Variants in IQGAP1 observed in about 807,000 individuals in gnomAD.
IQGAP1 encodes IQ motif containing GTPase activating protein 1.
IQGAP1 carries 66 observed loss-of-function variants against 215.6 expected under a neutral mutation model. The ratio of observed to expected loss-of-function variants is 0.31; its 90% CI spans 0.25 to 0.38. IQGAP1 has a LOEUF of 0.38. Among genes scored for constraint, IQGAP1 ranks in the 10% least tolerant of loss-of-function variants. The pLI is 1.00. For synonymous variants in IQGAP1, 772 were observed against 728.7 expected, an observed-to-expected ratio of 1.06 and a Z score of -0.96; for missense variants, 1,712 against 1,997.1, an observed-to-expected ratio of 0.86 and a Z score of 2.72.
At chr15:90,465,466 A>T (rs1965817329) in intron 15 of IQGAP1, among the ~76,000 whole-genome samples, 1 of 152,104 alleles carries the variant, frequency 6.6e-6, no homozygotes, top group Admixed American at 6.5e-5. Context: ...ATCTTTATAT[A>T]ATCTTCACCT....
chr15:90,482,488 CAAG>C (rs1468998506), intron 28 of IQGAP1, among the ~76,000 whole-genome samples: 1 of 152,142 alleles, frequency 6.6e-6, no homozygotes, highest in Non-Finnish European at 1.5e-5. Flanking sequence ...AAACATCAAA[CAAG>C]TAGAAAGATG....
At chr15:90,411,530 AC>A (rs1482776522) in intron 2 of IQGAP1, among the ~76,000 whole-genome samples, 3 of 152,116 alleles carry the variant, frequency 2.0e-5, no homozygotes, top group African/African-American at 7.2e-5. Context: ...TAAATTTTTG[AC>A]ATATATGGCT....
chr15:90,446,984 GTAGA>G (rs1965535873), intron 9 of IQGAP1, among the ~76,000 whole-genome samples: 1 of 152,258 alleles, frequency 6.6e-6, no homozygotes, highest in Admixed American at 6.5e-5. Flanking sequence ...AGATGCTTTT[GTAGA>G]TAGATAATCT....
chr15:90,492,403 T>C, intron 34 of IQGAP1, 142 bp from the exon 35 acceptor site: 4 of 594,144 alleles, frequency 6.7e-6, no homozygotes, highest in Non-Finnish European at 1.1e-5. Flanking sequence ...CACTCGAGCC[T>C]GGGCAACAGA....
At chr15:90,484,098 C>G (rs970263804) in intron 29 of IQGAP1, 122 bp from the exon 30 acceptor site, 1 of 835,226 alleles carries the variant, frequency 1.2e-6, no homozygotes, top group Admixed American at 2.4e-5. Flanking sequence ...AGCACTTTCT[C>G]TTGAAGTAAC....
chr15:90,492,243 C>T (rs971618934), intron 34 of IQGAP1, among the ~76,000 whole-genome samples: 4 of 151,916 alleles, frequency 2.6e-5, no homozygotes, highest in African/African-American at 4.8e-5. Flanking sequence ...GCAGGAGGAT[C>T]GCTTGAGACC....
intron 34 of IQGAP1, 93 bp from the exon 35 acceptor site, chr15:90,492,452 A>T: frequency 1.2e-6 from 1 of 820,350 alleles, no homozygotes; most frequent in Non-Finnish European, 1.7e-6. Flanking sequence ...GTAGGTAGTC[A>T]TATTTAAGGC....
At chr15:90,488,190 C>T (rs1319291611) in intron 33 of IQGAP1, among the ~76,000 whole-genome samples, 1 of 151,980 alleles carries the variant, frequency 6.6e-6, no homozygotes, top group African/African-American at 2.4e-5. Flanking sequence ...CACTGCACTC[C>T]AGCCTGGGCG....
chr15:90,392,989 C>G (rs1280749698), intron 2 of IQGAP1, among the ~76,000 whole-genome samples: 1 of 151,930 alleles, frequency 6.6e-6, no homozygotes, highest in Non-Finnish European at 1.5e-5. Flanking sequence ...AGGTGATCCG[C>G]CCGTCTCAGC....
intron 22 of IQGAP1, 102 bp downstream of exon 22, chr15:90,474,235 T>TG: frequency 9.2e-7 from 1 of 1,088,294 alleles, no homozygotes; most frequent in Non-Finnish European, 1.3e-6. Context: ...AGGCAAGGCT[T>TG]GGGGGAGAGG....
intron 2 of IQGAP1, among the ~76,000 whole-genome samples, chr15:90,416,685 C>T (rs1224509548): frequency 6.6e-6 from 1 of 151,794 alleles, no homozygotes; most frequent in African/African-American, 2.4e-5. Flanking sequence ...TCACGCCATT[C>T]TCCTGCCTCA....
rs747044685 is a variant in IQGAP1, at chr15:90,474,583, A to G, written c.2674A>G (p.Met892Val). ...DFQEELDLMK[M>V]REEVITLIRS... ...TCAGGAGGAGCTTGACCTTATGAAG[A>G]TGCGGGAAGAGGTTATCACCCTCAT... is the stretch of plus-strand genomic sequence containing the variant. The change falls in exon 23 of 38, where the codon ATG (methionine) becomes GTG (valine). Residue 892 changes from methionine to valine, a missense_variant. Coordinates refer to ENST00000268182, the MANE Select transcript of IQGAP1 (RefSeq NM_003870.4). 1 of 1,614,094 alleles carries G rather than the reference A, an allele frequency of 6.2e-7. No homozygotes were observed. The highest frequency in any genetic ancestry group is 1.1e-5 in the South Asian group (1 of 91,084).
At chr15:90,444,762 T>C (rs1965503351) in intron 9 of IQGAP1, among the ~76,000 whole-genome samples, 1 of 152,240 alleles carries the variant, frequency 6.6e-6, no homozygotes, top group Non-Finnish European at 1.5e-5. Flanking sequence ...AGTGCAGTTC[T>C]TTATGCAATA....
At chr15:90,481,194 G>A (rs1966053260) in intron 26 of IQGAP1, among the ~76,000 whole-genome samples, 1 of 151,250 alleles carries the variant, frequency 6.6e-6, no homozygotes, top group African/African-American at 2.4e-5. Context: ...TTGTGGCTGT[G>A]TGGTTCCAGC....
Position 90,487,037 on chromosome 15 carries a change from G to A in IQGAP1, c.4108G>A (p.Asp1370Asn). 6.2e-7 allele frequency: 1 copy of A among 1,614,088 alleles called. No individual in the cohort carries two copies. Among genetic ancestry groups the A allele is most frequent in the South Asian group, 1.1e-5 (1 of 91,086 alleles). ...EVSLTLTNKF[D>N]VPGDENAEMD... ...GTCTCTCACCCTGACCAACAAGTTC[G>A]ACGTGCCTGGAGATGAGAATGCAGA... The change falls in exon 32 of 38, where the codon GAC becomes AAC. Residue 1370 changes from aspartate (D) to asparagine (N), a missense_variant. By Grantham distance (23) the Asp-to-Asn change is conservative (BLOSUM62 1). Coordinates refer to ENST00000268182, the MANE Select transcript of IQGAP1 (RefSeq NM_003870.4).
intron 2 of IQGAP1, among the ~76,000 whole-genome samples, chr15:90,398,771 G>A (rs573344917): frequency 1.8e-4 from 27 of 152,224 alleles, no homozygotes; most frequent in Non-Finnish European, 1.5e-5. Context: ...GGGAGGCCAA[G>A]GCAGGTGGAT....
At chr15:90,491,085 A>T (rs1000230819) in intron 33 of IQGAP1, among the ~76,000 whole-genome samples, 15 of 152,236 alleles carry the variant, frequency 9.9e-5, no homozygotes, top group Admixed American at 3.3e-4. Context: ...CTGGGATTAC[A>T]GGCATGAGCC....
chr15:90,484,081 AAC>A, intron 29 of IQGAP1, 137 bp from the exon 30 acceptor site: 1 of 740,446 alleles, frequency 1.4e-6, no homozygotes, highest in Non-Finnish European at 2.3e-6. Context: ...AAGCACAGCA[AAC>A]ACACAGCACT....
chr15:90,482,357 A>G (rs1966071094), intron 28 of IQGAP1, 76 bp downstream of exon 28: 3 of 1,368,344 alleles, frequency 2.2e-6, no homozygotes, highest in Non-Finnish European at 3.1e-6. Flanking sequence ...ATAGATCATT[A>G]CTAACTGCCT....
Sources: gnomAD v4.1 joint callset for allele counts (sites outside exome capture counted in the v4.1 genomes callset) on GRCh38, gnomAD v4.1.1 for gene constraint, MANE v1.5 for transcripts, NCBI Gene and HGNC (gene_info 2026-07-23, HGNC 2026-07-21) for gene names.